Variants in GALNT14 observed in about 807,000 individuals in gnomAD.
The protein encoded by GALNT14 is polypeptide N-acetylgalactosaminyltransferase 14, also known as UDP-GalNAc:polypeptide N-acetylgalactosaminyltransferase 14.
GALNT14 carries 60 observed loss-of-function variants against 77.5 expected under a neutral mutation model. The observed-to-expected ratio is 0.77, with a 90% confidence interval of 0.63 to 0.96. The LOEUF is 0.96. Ranked by LOEUF, GALNT14 falls within the 40% of genes least tolerant of loss-of-function variation. The probability of loss-of-function intolerance (pLI) is 0.00; values close to 1 mark genes in which losing one functional copy is unlikely to be tolerated. For missense variants in GALNT14, 710 were observed against 731.0 expected (o/e 0.97, Z 0.33); for synonymous variants, 280 against 281.7 (o/e 0.99, Z 0.06).
intron 1 of GALNT14, among the ~76,000 whole-genome samples, chr2:31,135,454 C>T (rs1056482319): frequency 6.6e-6 from 1 of 151,768 alleles, no homozygotes; most frequent in Admixed American, 6.6e-5. Flanking sequence ...TTCTCAGGTA[C>T]ATACACACTA....
At chr2:31,018,938 G>A (rs1671548663) in intron 1 of GALNT14, among the ~76,000 whole-genome samples, 1 of 152,122 alleles carries the variant, frequency 6.6e-6, no homozygotes, top group Non-Finnish European at 1.5e-5. Flanking sequence ...ACAAGAGAAT[G>A]AATGAGTGAC....
intron 1 of GALNT14, among the ~76,000 whole-genome samples, chr2:31,062,489 CTT>C (rs1228823997): frequency 1.3e-5 from 2 of 152,196 alleles, no homozygotes; most frequent in Non-Finnish European, 2.9e-5. Flanking sequence ...GGTTCCAAGT[CTT>C]TGCTATTGCA....
At chr2:30,911,133 G>T in intron 14 of GALNT14, 74 bp from the exon 15 acceptor site, 1 of 1,439,536 alleles carries the variant, frequency 6.9e-7, no homozygotes, top group African/African-American at 1.4e-5. Flanking sequence ...TATCAGAAAG[G>T]TAGGTGCCTC....
At chr2:31,014,497 T>C (rs1318054589) in intron 1 of GALNT14, among the ~76,000 whole-genome samples, 1 of 152,120 alleles carries the variant, frequency 6.6e-6, no homozygotes, top group Admixed American at 6.5e-5. Context: ...AAGCAAGCCT[T>C]CACCTCCTGG....
chr2:30,958,567 A>C, intron 3 of GALNT14, 103 bp from the exon 4 acceptor site: 1 of 858,748 alleles, frequency 1.2e-6, no homozygotes, highest in Non-Finnish European at 1.9e-6. Flanking sequence ...GGAATGAAAA[A>C]TCAGAGCACC....
intron 1 of GALNT14, among the ~76,000 whole-genome samples, chr2:31,134,102 C>T (rs1029938392): frequency 2.0e-5 from 3 of 152,182 alleles, no homozygotes; most frequent in Non-Finnish European, 2.9e-5. Context: ...TTTCCTAAGA[C>T]CACGAGGAAA....
chr2:31,082,611 G>T (rs1676210832), intron 1 of GALNT14, among the ~76,000 whole-genome samples: 1 of 152,140 alleles, frequency 6.6e-6, no homozygotes, highest in African/African-American at 2.4e-5. Flanking sequence ...TGCCTGAAGG[G>T]TATTATCTAC....
At chr2:31,067,309 C>T (rs1198946963) in intron 1 of GALNT14, among the ~76,000 whole-genome samples, 1 of 152,134 alleles carries the variant, frequency 6.6e-6, no homozygotes, top group Admixed American at 6.5e-5. Context: ...AGCAAGGGGT[C>T]CATGTCCCCA....
the GALNT14 span, among the ~76,000 whole-genome samples, chr2:30,903,427 G>A: frequency 6.6e-6 from 1 of 152,242 alleles, no homozygotes; most frequent in Non-Finnish European, 1.5e-5. Flanking sequence ...ACTGAGATGA[G>A]TTTATAAAAG....
chr2:30,924,316 A>G, intron 12 of GALNT14, 53 bp from the exon 13 acceptor site: 1 of 1,586,076 alleles, frequency 6.3e-7, no homozygotes, highest in South Asian at 1.1e-5. Context: ...TGGATTAGCA[A>G]GACTACCAGC....
chr2:30,944,903 G>A lies in GALNT14; in HGVS notation c.782C>T (p.Ser261Phe), dbSNP rs1402539377. ...WSLHFQWEQLSPEQKARRLDP... is the reference protein window; with the variant it reads ...WSLHFQWEQLFPEQKARRLDP... ...CAGGCGCCGAGCCTTCTGCTCTGGG[G>A]AGAGCTGCTCCCACTGGAAGTGGAG... The change falls in exon 8 of 15, where the codon TCC (serine) becomes TTC (phenylalanine). Residue 261 changes from serine (S) to phenylalanine (F), a missense_variant. Physicochemically the swap from Ser to Phe is radical, Grantham distance 155 (BLOSUM62 -2). Coordinates refer to ENST00000349752, the MANE Select transcript of GALNT14 (RefSeq NM_024572.4). 6.2e-7 allele frequency: 1 copy of A among 1,611,108 alleles called. No homozygotes were observed. Among genetic ancestry groups the A allele is most frequent in the Admixed American group, 1.7e-5 (1 of 59,878 alleles).
At chr2:31,083,006 G>A (rs1367219387) in intron 1 of GALNT14, among the ~76,000 whole-genome samples, 1 of 152,060 alleles carries the variant, frequency 6.6e-6, no homozygotes, top group East Asian at 1.9e-4. Context: ...GACAGAGTAT[G>A]ACTCCATCTC....
At chr2:31,047,288 T>A (rs1363831449) in intron 1 of GALNT14, among the ~76,000 whole-genome samples, 1 of 152,170 alleles carries the variant, frequency 6.6e-6, no homozygotes, top group Non-Finnish European at 1.5e-5. Context: ...ACATGATATC[T>A]GCGAGTGGAC....
chr2:30,961,684 C>CTT lies in GALNT14; in HGVS notation c.399-3222_399-3221dup, dbSNP rs60844777. Reference sequence around the variant, plus strand: ...CTCTAGGCTTACTGGGTTAGACTTTCTTTTTTTTTTTTTTGAGATGGAGTT... The same window carrying CTT: ...CTCTAGGCTTACTGGGTTAGACTTTCTTTTTTTTTTTTTTTTGAGATGGAGTT... On this transcript the variant is annotated intron_variant, in intron 3 of 14. Transcript: ENST00000349752. Among the ~76,000 whole-genome samples, 13 of 142,424 alleles carry CTT rather than the reference C, an allele frequency of 9.1e-5. No homozygotes were observed. In the East Asian group the frequency reaches 1.2e-3, roughly 13 times the overall value. The allele number at this position is 142,424 out of a possible 152,430, so 93.4% of individuals were successfully genotyped here.
At chr2:30,979,461 CAAG>C (rs1668851047) in intron 2 of GALNT14, among the ~76,000 whole-genome samples, 1 of 152,078 alleles carries the variant, frequency 6.6e-6, no homozygotes, top group Non-Finnish European at 1.5e-5. Context: ...TATGAGGAAT[CAAG>C]GAGGAGAGAC....
In GALNT14 at chr2:30,929,261, A is replaced by G; in HGVS notation, c.1151+134T>C. 4.8e-6 allele frequency: 3 copies of G among 624,098 alleles called. No homozygotes were observed. The South Asian group carries it at 6.0e-5, about 12-fold the overall frequency. 38.7% of individuals were successfully genotyped at this position (624,098 alleles called of 1,614,324 possible). On this transcript the variant is annotated intron_variant, in intron 11 of 14. Transcript: ENST00000349752. ...GGGCAGGAGCTCTGAGGAATAGGAA[A>G]GAAGCCACAGCCTTGGGCCCTGCGG...
intron 2 of GALNT14, among the ~76,000 whole-genome samples, chr2:30,978,706 G>A (rs1668796359): frequency 1.3e-5 from 2 of 152,168 alleles, no homozygotes; most frequent in South Asian, 2.1e-4. Context: ...AAGGAATCAC[G>A]AGGTGCGCTT....
chr2:30,903,595 A>C, the GALNT14 span, among the ~76,000 whole-genome samples: 1 of 152,200 alleles, frequency 6.6e-6, no homozygotes, highest in African/African-American at 2.4e-5. Context: ...CTGCTGAGTG[A>C]GCTTGGAACA....
At chr2:30,963,237 G>A (rs1344203940) in intron 3 of GALNT14, among the ~76,000 whole-genome samples, 1 of 152,144 alleles carries the variant, frequency 6.6e-6, no homozygotes, top group African/African-American at 2.4e-5. Flanking sequence ...CAGGGCCTCA[G>A]GGCAGCCCTC....
Sources: gnomAD v4.1 joint callset for allele counts (sites outside exome capture counted in the v4.1 genomes callset) on GRCh38, gnomAD v4.1.1 for gene constraint, MANE v1.5 for transcripts, NCBI Gene and HGNC (gene_info 2026-07-23, HGNC 2026-07-21) for gene names.